Variants in SAMD3 observed in about 807,000 individuals in gnomAD.
SAMD3 encodes the protein sterile alpha motif domain containing 3.
In SAMD3, 63 loss-of-function variants were observed where a neutral mutation model predicts 58.5. The observed-to-expected ratio is 1.08, with a 90% CI of 0.88 to 1.33. The LOEUF (loss-of-function observed/expected upper bound fraction) is 1.33, where lower values mean the gene tolerates loss of function less well. Among genes scored for constraint, SAMD3 ranks in the 40% most tolerant of loss-of-function variants. The probability of loss-of-function intolerance (pLI) is 0.00; values close to 1 mark genes in which losing one functional copy is unlikely to be tolerated. For synonymous variants in SAMD3, 220 were observed against 210.3 expected, an observed-to-expected ratio of 1.05 and a Z score of -0.40; for missense variants, 604 against 608.4, an observed-to-expected ratio of 0.99 and a Z score of 0.08.
At chr6:130,150,572 C>T (rs1582715684) in intron 9 of SAMD3, among the ~76,000 whole-genome samples, 1 of 152,234 alleles carries the variant, frequency 6.6e-6, no homozygotes, top group East Asian at 1.9e-4. Flanking sequence ...TTCGGCAATT[C>T]TGTTTTGTTG....
intron 2 of SAMD3, among the ~76,000 whole-genome samples, chr6:130,251,524 G>T (rs1420105716): frequency 6.6e-6 from 1 of 151,920 alleles, no homozygotes; most frequent in Admixed American, 6.6e-5. Context: ...TTATATTTAG[G>T]TCTTTTATCT....
intron 2 of SAMD3, among the ~76,000 whole-genome samples, chr6:130,251,902 T>C (rs1488661406): frequency 6.6e-6 from 1 of 152,182 alleles, no homozygotes; most frequent in Non-Finnish European, 1.5e-5. Context: ...CTGAGGGTTC[T>C]ACAGATGTGT....
intron 5 of SAMD3, among the ~76,000 whole-genome samples, chr6:130,196,994 C>A (rs1350012583): frequency 6.6e-6 from 1 of 152,136 alleles, no homozygotes; most frequent in Non-Finnish European, 1.5e-5. Flanking sequence ...TTCAGTGAAA[C>A]CTTTATATCC....
intron 2 of SAMD3, among the ~76,000 whole-genome samples, chr6:130,296,095 G>A (rs1409147448): frequency 6.6e-6 from 1 of 152,120 alleles, no homozygotes; most frequent in African/African-American, 2.4e-5. Context: ...GGTGGCCCAC[G>A]GGGTCCCATG....
chr6:130,144,294 C>T (rs1788416768), downstream of SAMD3: 1 of 517,762 alleles, frequency 1.9e-6, no homozygotes, highest in South Asian at 3.2e-5. Flanking sequence ...TTTCTAAAAA[C>T]TCAAAATAAA....
chr6:130,281,409 G>A (rs1168668212), intron 2 of SAMD3, among the ~76,000 whole-genome samples: 2 of 152,140 alleles, frequency 1.3e-5, no homozygotes, highest in African/African-American at 4.8e-5. Context: ...GGTTAGAGGT[G>A]CACCATTGCC....
intron 5 of SAMD3, among the ~76,000 whole-genome samples, chr6:130,193,719 T>G (rs934703417): frequency 2.8e-4 from 42 of 152,178 alleles, no homozygotes; most frequent in African/African-American, 8.2e-4. Context: ...TTGACCCCAA[T>G]ACAAACTCGA....
At chr6:130,236,477 G>A (rs113888501) in intron 2 of SAMD3, among the ~76,000 whole-genome samples, 16 of 151,180 alleles carry the variant, frequency 1.1e-4, no homozygotes, top group African/African-American at 3.9e-4. Flanking sequence ...CCCGCCTCCC[G>A]GGTTGAAGCA....
At chr6:130,262,565 T>C (rs1774178992) in intron 2 of SAMD3, among the ~76,000 whole-genome samples, 1 of 149,324 alleles carries the variant, frequency 6.7e-6, no homozygotes, top group African/African-American at 2.5e-5. Flanking sequence ...GGATGATGGA[T>C]GGTTCCTCCC....
chr6:130,217,607 A>T (rs901207757), intron 1 of SAMD3, among the ~76,000 whole-genome samples: 2 of 152,246 alleles, frequency 1.3e-5, no homozygotes, highest in African/African-American at 4.8e-5. Flanking sequence ...AAATTTGTTA[A>T]AACTACAAAG....
intron 1 of SAMD3, among the ~76,000 whole-genome samples, chr6:130,350,508 C>T (rs978618618): frequency 6.6e-6 from 1 of 152,108 alleles, no homozygotes; most frequent in African/African-American, 2.4e-5. Flanking sequence ...AGGAATCCAA[C>T]TTACAAGGGA....
chr6:130,325,498 C>A lies in SAMD3; in HGVS notation c.-303-12405G>T, dbSNP rs548475579. Among the ~76,000 whole-genome samples, 4 of 152,252 alleles carry A rather than the reference C, an allele frequency of 2.6e-5. No individual in the cohort carries two copies. In the South Asian group the frequency reaches 8.3e-4, roughly 32 times the overall value. Reference sequence around the variant, plus strand: ...TGATGCCCACCCACACTCGTGAGGGCCATCTTCTTGACTCAGTCTACTAAT... The same window carrying A: ...TGATGCCCACCCACACTCGTGAGGGACATCTTCTTGACTCAGTCTACTAAT... On this transcript the variant is annotated intron_variant, in intron 1 of 13. Transcript: ENST00000368134.
intron 5 of SAMD3, among the ~76,000 whole-genome samples, chr6:130,187,902 C>T (rs1793154038): frequency 6.6e-6 from 1 of 152,200 alleles, no homozygotes; most frequent in Non-Finnish European, 1.5e-5. Context: ...GTAGAATCAA[C>T]TAGGAAGCTT....
downstream of SAMD3, among the ~76,000 whole-genome samples, chr6:130,143,567 A>AAAAAAAATT (rs1271337059): frequency 6.6e-6 from 1 of 152,020 alleles, no homozygotes; most frequent in Admixed American, 6.6e-5. Flanking sequence ...CTTAAACTTA[A>AAAAAAAATT]AAAAAAATTA....
intron 2 of SAMD3, among the ~76,000 whole-genome samples, chr6:130,309,502 A>T (rs1373806515): frequency 1.3e-5 from 2 of 152,202 alleles, no homozygotes; most frequent in African/African-American, 4.8e-5. Context: ...CACAAAGTCA[A>T]TGCTAGTGCT....
chr6:130,259,520 T>C lies in SAMD3; in HGVS notation c.-187-36707A>G, dbSNP rs73607957. Among the ~76,000 whole-genome samples the C allele has an allele frequency of 8.2e-3, 1,245 of 152,218 alleles. 18 individuals carry two copies. Among genetic ancestry groups the C allele is most frequent in the African/African-American group, 0.029 (1,187 of 41,526 alleles). On this transcript the variant is annotated intron_variant, in intron 2 of 13. Transcript: ENST00000368134. ...CTCCCATTAGGCCCCATCTTCAACATTGGGAATAAAATTTCAGCATGAGAT... is the reference window on the plus strand; with the variant it reads ...CTCCCATTAGGCCCCATCTTCAACACTGGGAATAAAATTTCAGCATGAGAT...
chr6:130,172,709 C>T lies in SAMD3; in HGVS notation c.822+3132G>A, dbSNP rs370996409. ...TTGGGTTGCTCTTCTTGAGGAGTAT[C>T]TTAGTGGTGTTCTCTGTATTTCCTG... On this transcript the variant is annotated intron_variant, in intron 8 of 11. Coordinates refer to ENST00000439090, the MANE Select transcript of SAMD3 (RefSeq NM_001017373.4). Among the ~76,000 whole-genome samples, 3 of 152,186 alleles carry T rather than the reference C, an allele frequency of 2.0e-5. No homozygotes were observed. In the East Asian group the frequency reaches 5.8e-4, roughly 29 times the overall value.
intron 4 of SAMD3, among the ~76,000 whole-genome samples, chr6:130,210,892 A>T (rs1315970011): frequency 6.6e-6 from 1 of 152,112 alleles, no homozygotes; most frequent in Non-Finnish European, 1.5e-5. Flanking sequence ...AGGCTGAGGC[A>T]GGTGGATCAC....
intron 5 of SAMD3, among the ~76,000 whole-genome samples, chr6:130,202,922 G>A (rs1193726793): frequency 1.3e-5 from 2 of 151,944 alleles, no homozygotes; most frequent in South Asian, 2.1e-4. Flanking sequence ...CTCCTCCCCC[G>A]CAGTGGTGAC....
Sources: gnomAD v4.1 joint callset for allele counts (sites outside exome capture counted in the v4.1 genomes callset) on GRCh38, gnomAD v4.1.1 for gene constraint, MANE v1.5 for transcripts, NCBI Gene and HGNC (gene_info 2026-07-23, HGNC 2026-07-21) for gene names.